The following SYNPO2 variants were observed in gnomAD, a reference collection of about 807,000 sequenced individuals.
The protein encoded by SYNPO2 is synaptopodin 2.
SYNPO2 carries 56 observed loss-of-function variants against 85.0 expected under a neutral mutation model. The ratio of observed to expected loss-of-function variants is 0.66; its 90% confidence interval spans 0.53 to 0.82. The LOEUF (loss-of-function observed/expected upper bound fraction) is 0.82, where lower values mean the gene tolerates loss of function less well. Ranked by LOEUF, SYNPO2 falls within the 40% of genes least tolerant of loss-of-function variation. The pLI is 0.00. For synonymous variants in SYNPO2, 602 were observed against 591.1 expected, an observed-to-expected ratio of 1.02 and a Z score of -0.27; for missense variants, 1,575 against 1,534.2, an observed-to-expected ratio of 1.03 and a Z score of -0.44.
At chr4:118,892,714 A>T (rs527896563) in intron 1 of SYNPO2, among the ~76,000 whole-genome samples, 2 of 152,260 alleles carry the variant, frequency 1.3e-5, no homozygotes, top group African/African-American at 4.8e-5. Flanking sequence ...ATGTTTTAAT[A>T]TAGTTAGAAA....
At chr4:118,918,215 A>G (rs1733418532) in intron 1 of SYNPO2, among the ~76,000 whole-genome samples, 1 of 152,192 alleles carries the variant, frequency 6.6e-6, no homozygotes, top group Non-Finnish European at 1.5e-5. Flanking sequence ...GCCAACATAT[A>G]ATTCCAAACT....
At chr4:118,916,638 A>G (rs767322664) in intron 1 of SYNPO2, among the ~76,000 whole-genome samples, 1 of 151,310 alleles carries the variant, frequency 6.6e-6, no homozygotes, top group Non-Finnish European at 1.5e-5. Flanking sequence ...TTTATAATAA[A>G]CTTTTTATTC....
chr4:118,882,098 T>C (rs1027996834), intron 1 of SYNPO2, among the ~76,000 whole-genome samples: 6 of 152,360 alleles, frequency 3.9e-5, no homozygotes, highest in Admixed American at 2.0e-4. Context: ...GACTTTGCTG[T>C]CTTTGTCTGG....
At chr4:119,016,361 G>A (rs1185596720) in intron 1 of SYNPO2, among the ~76,000 whole-genome samples, 1 of 149,898 alleles carries the variant, frequency 6.7e-6, no homozygotes, top group African/African-American at 2.5e-5. Flanking sequence ...AGGTTACAGT[G>A]AGCAGAGATT....
At chr4:118,973,502 T>C (rs74666959) in intron 1 of SYNPO2, among the ~76,000 whole-genome samples, 1 of 152,230 alleles carries the variant, frequency 6.6e-6, no homozygotes, top group East Asian at 1.9e-4. Flanking sequence ...CCTGTGCATG[T>C]CAGGTTTGGC....
intron 1 of SYNPO2, among the ~76,000 whole-genome samples, chr4:118,977,942 T>G (rs1735854821): frequency 6.6e-6 from 1 of 152,212 alleles, no homozygotes; most frequent in South Asian, 2.1e-4. Flanking sequence ...AGTAGGTTAC[T>G]AGCCAAGTGA....
chr4:118,926,522 CT>C (rs1334247584), intron 1 of SYNPO2, among the ~76,000 whole-genome samples: 1 of 152,056 alleles, frequency 6.6e-6, no homozygotes, highest in African/African-American at 2.4e-5. Flanking sequence ...ATTAAATATT[CT>C]TTCTGCCATG....
Position 119,031,568 on chromosome 4 carries a change from G to A in SYNPO2, c.2793G>A (p.Pro931=), listed in dbSNP as rs753637222. 3.3e-5 allele frequency: 53 copies of A among 1,613,942 alleles called. No individual in the cohort carries two copies. In the Middle Eastern group the frequency reaches 1.5e-3, roughly 45 times the overall value. The change falls in exon 4 of 5, where the codon CCG becomes CCA. Residue 931 remains proline, a synonymous_variant. Transcript: ENST00000307142. Reference sequence around the variant, plus strand: ...TGGCCTATAATCCTATCCACTCGCCGTCTTACCCACTGGCTGCTCTCAAGT... The same window carrying A: ...TGGCCTATAATCCTATCCACTCGCCATCTTACCCACTGGCTGCTCTCAAGT... ...PPVAYNPIHS[P]SYPLAALKSQ...
At chr4:118,907,230 A>T (rs1549533) in intron 1 of SYNPO2, among the ~76,000 whole-genome samples, 88,281 of 152,090 alleles carry the variant, frequency 0.58, 27,485 homozygotes, top group East Asian at 0.8. Flanking sequence ...CGTCATTAAC[A>T]GTGCATGGAT....
chr4:119,012,009 A>C (rs899224394), intron 1 of SYNPO2, among the ~76,000 whole-genome samples: 10 of 139,926 alleles, frequency 7.1e-5, no homozygotes, highest in Middle Eastern at 4.0e-3. Flanking sequence ...TGCAACCTCC[A>C]CATCCCGGAT....
At position 119,048,936 on chromosome 4, in the gene SYNPO2, G is replaced by A. The variant is rs1738954026; in HGVS notation, c.3253-8465G>A. On this transcript the variant is annotated intron_variant, in intron 4 of 4. Coordinates refer to ENST00000307142, the MANE Select transcript of SYNPO2 (RefSeq NM_133477.3). Reference sequence around the variant, plus strand: ...GACTGAATAACATAATCTGACTTGAGTTTTAACTGGGTAGTTTTGGCTAGC... The same window carrying A: ...GACTGAATAACATAATCTGACTTGAATTTTAACTGGGTAGTTTTGGCTAGC... 2.6e-5 allele frequency among the ~76,000 whole-genome samples: 4 copies of A among 152,174 alleles called. No homozygotes were observed. The South Asian group carries it at 8.3e-4, about 32-fold the overall frequency.
intron 1 of SYNPO2, among the ~76,000 whole-genome samples, chr4:118,993,189 A>G (rs1441586138): frequency 8.1e-5 from 7 of 86,906 alleles, no homozygotes; most frequent in Non-Finnish European, 1.5e-4. Context: ...TTAAAGAAGG[A>G]AGAGAGAGAA....
intron 4 of SYNPO2, among the ~76,000 whole-genome samples, chr4:119,049,970 C>T (rs1260586105): frequency 3.3e-5 from 5 of 152,056 alleles, no homozygotes; most frequent in African/African-American, 4.8e-5. Flanking sequence ...ATTTAAATGA[C>T]CTTTTCCAAA....
chr4:119,034,890 T>C, intron 4 of SYNPO2: 2 of 985,530 alleles, frequency 2.0e-6, no homozygotes, highest in South Asian at 4.7e-5. Context: ...TGTTGTTGCC[T>C]TAGCTGTGTT....
Position 119,057,696 on chromosome 4 carries a change from T to C in SYNPO2, c.3548T>C (p.Ile1183Thr), listed in dbSNP as rs367649494. 5.0e-6 allele frequency: 8 copies of C among 1,614,054 alleles called. No homozygotes were observed. Among genetic ancestry groups the C allele is most frequent in the Non-Finnish European group, 6.8e-6 (8 of 1,180,046 alleles). The change falls in exon 5 of 5, where the codon ATT becomes ACT. Residue 1183 changes from isoleucine (I) to threonine (T), a missense_variant. By Grantham distance (89) the Ile-to-Thr change is moderately conservative. This residue lies in a region of SYNPO2 where 1,508 missense variants were observed against 1,446.8 expected (regional missense o/e 1.04). Coordinates refer to ENST00000307142, the MANE Select transcript of SYNPO2 (RefSeq NM_133477.3). The part of the protein sequence containing the change: ...PEDWNERLSY[I>T]PQTQKAYMGS... ...GATTGGAATGAAAGACTGTCCTATA[T>C]TCCTCAAACCCAGAAGGCCTATATG...
intron 1 of SYNPO2, among the ~76,000 whole-genome samples, chr4:118,958,650 C>T (rs911526255): frequency 1.3e-5 from 2 of 152,076 alleles, no homozygotes; most frequent in African/African-American, 4.8e-5. Context: ...GCAATGTGTC[C>T]ACAGTTGTGT....
At chr4:119,043,440 ATTGT>A (rs1349197256) in intron 4 of SYNPO2, 2 of 152,212 alleles carry the variant, frequency 1.3e-5, no homozygotes, top group African/African-American at 4.8e-5. Flanking sequence ...AAGTGAAAAA[ATTGT>A]TTAACAATTG....
chr4:118,954,319 G>A (rs972362814), intron 1 of SYNPO2, among the ~76,000 whole-genome samples: 5 of 151,250 alleles, frequency 3.3e-5, no homozygotes, highest in Non-Finnish European at 7.4e-5. Flanking sequence ...TTTTTTTCTC[G>A]CTCTTTCTTT....
chr4:118,894,314 A>T (rs1732473555), intron 1 of SYNPO2, among the ~76,000 whole-genome samples: 1 of 152,096 alleles, frequency 6.6e-6, no homozygotes. Context: ...AGCAGGTCAT[A>T]ATAGTGGTGG....
Sources: allele counts gnomAD v4.1 joint callset (sites outside exome capture counted in the v4.1 genomes callset), GRCh38; gene constraint gnomAD v4.1.1; regional missense constraint gnomAD v4.1.1; transcripts MANE v1.5; gene names NCBI Gene and HGNC (gene_info 2026-07-23, HGNC 2026-07-21).